The following PLEKHA7 variants were observed in gnomAD, a reference collection of about 807,000 sequenced individuals.
PLEKHA7 encodes pleckstrin homology domain-containing family A member 7.
PLEKHA7 carries 104 observed loss-of-function variants against 170.0 expected under a neutral mutation model. That is an observed-to-expected ratio of 0.61 (90% confidence interval 0.52 to 0.72). The LOEUF is 0.72. Among genes scored for constraint, PLEKHA7 ranks in the 30% least tolerant of loss-of-function variants. The pLI is 0.00. For missense variants in PLEKHA7, 1,615 were observed against 1,671.7 expected (o/e 0.97, Z 0.59); for synonymous variants, 648 against 660.8 (o/e 0.98, Z 0.30).
chr11:16,782,720 G>A (rs1437358985), intron 26 of PLEKHA7, 34 bp downstream of exon 26: 12 of 1,533,998 alleles, frequency 7.8e-6, no homozygotes, highest in Non-Finnish European at 9.6e-6. Context: ...AGTGGGGCAG[G>A]ATCCAGGCCT....
intron 3 of PLEKHA7, among the ~76,000 whole-genome samples, chr11:16,905,451 G>A (rs1857597346): frequency 6.6e-6 from 1 of 151,892 alleles, no homozygotes; most frequent in South Asian, 2.1e-4. Context: ...TTTCCTCAAG[G>A]TCATGATAAC....
At chr11:16,818,108 G>A (rs534434124) in intron 10 of PLEKHA7, among the ~76,000 whole-genome samples, 33 of 152,080 alleles carry the variant, frequency 2.2e-4, no homozygotes, top group South Asian at 6.2e-4. Flanking sequence ...CCCTAGTCCC[G>A]TCCCAGCCTC....
At position 16,887,251 on chromosome 11, in the gene PLEKHA7, A is replaced by G. The variant is rs191079924; in HGVS notation, c.222-16069T>C. On this transcript the variant is annotated intron_variant, in intron 3 of 26. Coordinates refer to ENST00000531066, the MANE Select transcript of PLEKHA7 (RefSeq NM_001329630.2). ...TGCTTAAGCCCAGGAGTTCAAGACC[A>G]GCATGGGCAATATGGCAAAACCCCA... Among the ~76,000 whole-genome samples the G allele has an allele frequency of 3.9e-5, 6 of 152,210 alleles. No individual in the cohort carries two copies. In the East Asian group the frequency reaches 1.2e-3, roughly 29 times the overall value.
intron 3 of PLEKHA7, among the ~76,000 whole-genome samples, chr11:16,899,642 A>G (rs1041909702): frequency 2.0e-5 from 3 of 152,316 alleles, no homozygotes; most frequent in Middle Eastern, 3.4e-3. Flanking sequence ...GCAAACAAGA[A>G]AAGCAGACTG....
In PLEKHA7 at chr11:16,928,145, A is replaced by T. The variant is rs7927412; in HGVS notation, c.222-56963T>A. Among the ~76,000 whole-genome samples, 1,378 of 152,250 alleles carry T rather than the reference A, an allele frequency of 9.1e-3. 24 individuals are homozygous for T. Among genetic ancestry groups the T allele is most frequent in the African/African-American group, 0.031 (1,288 of 41,524 alleles). Reference sequence around the variant, plus strand: ...TTATCAACCCATATTAAAGTATAGAAGAACCTTAACATTAAAACAGAATGT... The same window carrying T: ...TTATCAACCCATATTAAAGTATAGATGAACCTTAACATTAAAACAGAATGT... On this transcript the variant is annotated intron_variant, in intron 3 of 26. Transcript: ENST00000531066.
At chr11:16,990,579 C>T (rs1863987568) in intron 3 of PLEKHA7, among the ~76,000 whole-genome samples, 1 of 152,170 alleles carries the variant, frequency 6.6e-6, no homozygotes, top group South Asian at 2.1e-4. Flanking sequence ...ATTTCCCCAT[C>T]CCATCAAATG....
chr11:16,883,539 G>A (rs1264486098), intron 3 of PLEKHA7, among the ~76,000 whole-genome samples: 1 of 152,084 alleles, frequency 6.6e-6, no homozygotes, highest in Non-Finnish European at 1.5e-5. Context: ...TGATACTCTT[G>A]GCTTCTGTCA....
At chr11:16,797,950 A>G (rs1025256913) in intron 17 of PLEKHA7, among the ~76,000 whole-genome samples, 2 of 152,126 alleles carry the variant, frequency 1.3e-5, no homozygotes, top group Non-Finnish European at 2.9e-5. Flanking sequence ...CGGTGATGGA[A>G]TTTTGGGCCT....
rs1395713523 is a variant in PLEKHA7 at position 16,852,403 on chromosome 11, G to T, written c.523-48C>A. 6.4e-6 allele frequency: 10 copies of T among 1,551,354 alleles called. No individual in the cohort carries two copies. In the Admixed American group the frequency reaches 1.4e-4, roughly 21 times the overall value. Reference sequence around the variant, plus strand: ...CAGGGTAATATCTGAGCATACTGTTGTCCCTTTCCAAGCATGCACAACCTG... The same window carrying T: ...CAGGGTAATATCTGAGCATACTGTTTTCCCTTTCCAAGCATGCACAACCTG... On this transcript the variant is annotated intron_variant, in intron 6 of 26. Transcript: ENST00000531066.
intron 3 of PLEKHA7, among the ~76,000 whole-genome samples, chr11:16,919,694 G>A (rs879558658): frequency 2.0e-5 from 3 of 151,702 alleles, no homozygotes; most frequent in Non-Finnish European, 2.9e-5. Flanking sequence ...AAAAAAGAAA[G>A]TAAAAAGGAT....
At chr11:16,868,435 T>C (rs1468585992) in intron 4 of PLEKHA7, among the ~76,000 whole-genome samples, 1 of 152,184 alleles carries the variant, frequency 6.6e-6, no homozygotes, top group Non-Finnish European at 1.5e-5. Flanking sequence ...GAGTCCTACC[T>C]GCCAACAGTG....
intron 3 of PLEKHA7, among the ~76,000 whole-genome samples, chr11:16,972,552 T>G (rs1465009471): frequency 5.3e-5 from 8 of 152,158 alleles, no homozygotes; most frequent in Non-Finnish European, 1.2e-4. Flanking sequence ...CTGGGACTGC[T>G]GGTGCGCACC....
In PLEKHA7 at chr11:17,014,193, AGCTGGTCACTGCGGGCAGAGAGGT is replaced by A; in HGVS notation, c.87-16_94del. ...CGGATGCAGCCAGGTCGTGCAGCGG[AGCTGGTCACTGCGGGCAGAGAGGT>A]GCACCTGTTAGCGCCGCCACAGCCC... On this transcript the variant is annotated splice_acceptor_variant and splice_polypyrimidine_tract_variant and coding_sequence_variant and intron_variant, in exon 2 of 27. Coordinates refer to ENST00000531066, the MANE Select transcript of PLEKHA7 (RefSeq NM_001329630.2). LOFTEE classifies it high-confidence loss of function. 6.3e-7 allele frequency: 1 copy of A among 1,590,928 alleles called. No individual in the cohort carries two copies. The highest frequency in any genetic ancestry group is 8.5e-7 in the Non-Finnish European group (1 of 1,171,054).
intron 3 of PLEKHA7, among the ~76,000 whole-genome samples, chr11:16,911,694 C>G: frequency 6.6e-6 from 1 of 152,104 alleles, no homozygotes; most frequent in East Asian, 1.9e-4. Flanking sequence ...AGGCACCCAC[C>G]TCTTTGACCT....
intron 3 of PLEKHA7, among the ~76,000 whole-genome samples, chr11:16,927,486 C>T (rs1859642294): frequency 1.3e-5 from 2 of 152,160 alleles, no homozygotes; most frequent in African/African-American, 4.8e-5. Flanking sequence ...ACAACCCAGC[C>T]ACCAGCACTT....
chr11:16,945,586 A>G (rs1386650402), intron 3 of PLEKHA7, among the ~76,000 whole-genome samples: 1 of 152,244 alleles, frequency 6.6e-6, no homozygotes, highest in African/African-American at 2.4e-5. Context: ...AAGGAGGGCT[A>G]GATCACTGGA....
chr11:16,839,742 T>C (rs1590290161), intron 9 of PLEKHA7, among the ~76,000 whole-genome samples: 2 of 152,308 alleles, frequency 1.3e-5, no homozygotes, highest in South Asian at 2.1e-4. Flanking sequence ...GTAGGTTATA[T>C]GCAAATACAC....
In PLEKHA7 at chr11:16,825,825, C is replaced by T. The variant is rs1032467775; in HGVS notation, c.1343+295G>A. ...TCTCAAGGCATTCTCTCTGAGGAGC[C>T]GAAGAGACTCTGGTGTAATCGCATG... On this transcript the variant is annotated intron_variant, in intron 10 of 26. Transcript: ENST00000531066. Among the ~76,000 whole-genome samples the T allele has an allele frequency of 1.2e-4, 18 of 152,282 alleles. 1 individual carries two copies. Among genetic ancestry groups the T allele is most frequent in the Non-Finnish European group, 1.3e-4 (9 of 68,026 alleles).
chr11:16,852,683 T>C (rs985676937), intron 6 of PLEKHA7, among the ~76,000 whole-genome samples: 1 of 152,234 alleles, frequency 6.6e-6, no homozygotes, highest in South Asian at 2.1e-4. Context: ...CTTATTTAGG[T>C]GGCTATGCTA....
Sources: allele counts gnomAD v4.1 joint callset (sites outside exome capture counted in the v4.1 genomes callset), GRCh38; gene constraint gnomAD v4.1.1; transcripts MANE v1.5; gene names NCBI Gene and HGNC (gene_info 2026-07-23, HGNC 2026-07-21).